Variants in WWP2 observed in about 807,000 individuals in gnomAD.
WWP2 encodes NEDD4-like E3 ubiquitin-protein ligase WWP2.
WWP2 carries 57 observed loss-of-function variants against 121.0 expected under a neutral mutation model. The observed-to-expected ratio is 0.47, with a 90% CI of 0.38 to 0.59. The LOEUF is 0.59. Ranked by LOEUF, WWP2 falls within the 20% of genes least tolerant of loss-of-function variation. WWP2 has a pLI of 0.00. For missense variants in WWP2, 962 were observed against 1,158.9 expected (o/e 0.83, Z 2.47); for synonymous variants, 449 against 441.3 (o/e 1.02, Z -0.22).
intron 7 of WWP2, among the ~76,000 whole-genome samples, chr16:69,876,254 T>G (rs1423447007): frequency 1.3e-5 from 2 of 149,550 alleles, no homozygotes; most frequent in Non-Finnish European, 3.0e-5. Flanking sequence ...CTTTAGGAGG[T>G]TTTTAATGGG....
Position 69,925,133 on chromosome 16 carries a change from T to C in WWP2, c.1180-297T>C. 1 of 1,151,922 alleles carries C rather than the reference T, an allele frequency of 8.7e-7. No homozygotes were observed. The allele number at this position is 1,151,922 out of a possible 1,614,324, so 71.4% of individuals were successfully genotyped here. ...TACCATGCCAGGGCTGCTCCCTGCC[T>C]CCGCCACCCTGGCACACCTTCACCC... On this transcript the variant is annotated intron_variant, in intron 10 of 23. Coordinates refer to ENST00000359154, the MANE Select transcript of WWP2 (RefSeq NM_001270454.2). The surrounding 1 kb of genome is among the most constrained non-coding windows in gnomAD (Gnocchi z 4.0).
intron 8 of WWP2, among the ~76,000 whole-genome samples, chr16:69,889,361 G>T (rs1261634421): frequency 6.6e-6 from 1 of 152,144 alleles, no homozygotes; most frequent in Non-Finnish European, 1.5e-5. Flanking sequence ...AAAGACCTTG[G>T]ATGATAAGAA....
chr16:69,895,076 C>G (rs997963100), intron 8 of WWP2: 6 of 152,240 alleles, frequency 3.9e-5, no homozygotes, highest in Non-Finnish European at 7.3e-5. Context: ...TCCTCTACCC[C>G]CCTGCCCAAT....
intron 6 of WWP2, among the ~76,000 whole-genome samples, chr16:69,869,126 G>A (rs1340493586): frequency 6.6e-6 from 1 of 152,184 alleles, no homozygotes; most frequent in Non-Finnish European, 1.5e-5. Flanking sequence ...GACCTCAGGT[G>A]ATCCACCTGC....
intron 16 of WWP2, among the ~76,000 whole-genome samples, chr16:69,933,505 G>A (rs1221396944): frequency 2.6e-5 from 4 of 152,132 alleles, no homozygotes; most frequent in African/African-American, 4.8e-5. Flanking sequence ...GTGTATTTAC[G>A]TTATGTTGCC....
intron 8 of WWP2, among the ~76,000 whole-genome samples, chr16:69,894,075 ATT>A (rs113980202): frequency 5.8e-5 from 8 of 138,928 alleles, no homozygotes; most frequent in Non-Finnish European, 3.2e-5. Context: ...AGGTTGCTGC[ATT>A]TTTTTTTTTT....
intron 11 of WWP2, among the ~76,000 whole-genome samples, chr16:69,928,080 G>C (rs755619951): frequency 4.6e-5 from 7 of 152,206 alleles, no homozygotes. Flanking sequence ...CAGAGAGTGG[G>C]AGGGAGACTG....
intron 6 of WWP2, among the ~76,000 whole-genome samples, chr16:69,862,264 C>T (rs1437279720): frequency 2.0e-5 from 3 of 152,026 alleles, no homozygotes; most frequent in Non-Finnish European, 2.9e-5. Context: ...GGGATTTCTC[C>T]ATGTTGGTCA....
At chr16:69,791,202 C>T (rs895625834) in intron 2 of WWP2, among the ~76,000 whole-genome samples, 14 of 151,778 alleles carry the variant, frequency 9.2e-5, no homozygotes, top group African/African-American at 3.2e-4. Flanking sequence ...TATTCAGCCA[C>T]GCACACTTAC....
chr16:69,887,533 C>G (rs9939065), intron 7 of WWP2, among the ~76,000 whole-genome samples: 3,275 of 152,014 alleles, frequency 0.022, 97 homozygotes, highest in African/African-American at 0.067. Flanking sequence ...AGCCTCCCAA[C>G]TAGCTGGGAT....
In WWP2 at chr16:69,908,821, C is replaced by G. The variant is rs370860797; in HGVS notation, c.975C>G (p.Thr325=). Residue 325 remains threonine (T), a synonymous_variant, in exon 9 of 24, where the codon ACC becomes ACG. Coordinates refer to ENST00000359154, the MANE Select transcript of WWP2 (RefSeq NM_001270454.2). ...RVYYVDHNTK[T]TTWERPLPPG... ...ATTATGTTGACCACAATACCAAGAC[C>G]ACCACCTGGGAGCGGCCCCTTCCTC... The G allele has an allele frequency of 3.1e-6, 5 of 1,614,080 alleles. No homozygotes were observed. Among genetic ancestry groups the G allele is most frequent in the Non-Finnish European group, 4.2e-6 (5 of 1,180,034 alleles).
chr16:69,936,205 A>G (rs2058795516), intron 18 of WWP2, 107 bp from the exon 19 acceptor site: 1 of 1,545,614 alleles, frequency 6.5e-7, no homozygotes, highest in Admixed American at 1.8e-5. Context: ...ACTGTTCAGG[A>G]TTCTAGGCCA....
chr16:69,787,281 C>T (rs1567664655), intron 2 of WWP2, among the ~76,000 whole-genome samples: 1 of 152,176 alleles, frequency 6.6e-6, no homozygotes, highest in Non-Finnish European at 1.5e-5. Context: ...GAACTTTTAG[C>T]TAAAATTGTC....
chr16:69,868,432 G>C (rs2057567355), intron 6 of WWP2, among the ~76,000 whole-genome samples: 1 of 152,178 alleles, frequency 6.6e-6, no homozygotes, highest in African/African-American at 2.4e-5. Flanking sequence ...CTCTGCAGAG[G>C]GACAGGGAAC....
intron 11 of WWP2, 135 bp from the exon 12 acceptor site, chr16:69,929,313 G>A (rs2058679551): frequency 2.7e-6 from 2 of 730,034 alleles, no homozygotes; most frequent in South Asian, 1.9e-5. Context: ...GCTTGGCTTT[G>A]GCTGGTTCTT....
intron 7 of WWP2, among the ~76,000 whole-genome samples, chr16:69,872,455 A>T (rs2057658832): frequency 6.6e-6 from 1 of 152,140 alleles, no homozygotes. Flanking sequence ...TGACCTTGTG[A>T]TCGCCCGTCT....
rs1471188776 is a variant in WWP2, at chr16:69,925,673, C to A, written c.1234+189C>A. Among the ~76,000 whole-genome samples the A allele has an allele frequency of 6.6e-6, 1 of 152,152 alleles. No homozygotes were observed. The highest frequency in any genetic ancestry group is 2.4e-5 in the African/African-American group (1 of 41,422). Reference sequence around the variant, plus strand: ...TGGAGCTGGGCAGCTGGGAAAGTAACCAAGCTCCACCGAACCACTGTAGCA... The same window carrying A: ...TGGAGCTGGGCAGCTGGGAAAGTAAACAAGCTCCACCGAACCACTGTAGCA... On this transcript the variant is annotated intron_variant, in intron 11 of 23. Coordinates refer to ENST00000359154, the MANE Select transcript of WWP2 (RefSeq NM_001270454.2). This position sits in a 1 kb window ranked among gnomAD's most constrained non-coding sequence, Gnocchi z 4.0.
intron 21 of WWP2, among the ~76,000 whole-genome samples, chr16:69,938,125 A>C (rs1057240739): frequency 6.6e-6 from 1 of 152,206 alleles, no homozygotes; most frequent in African/African-American, 2.4e-5. Context: ...GTGCATATGT[A>C]CGTATACAAA....
chr16:69,937,699 C>T lies in WWP2; in HGVS notation c.2343+47C>T, dbSNP rs762964811. The T allele has an allele frequency of 6.3e-7, 1 of 1,596,504 alleles. No individual in the cohort carries two copies. Among genetic ancestry groups the T allele is most frequent in the African/African-American group, 1.3e-5 (1 of 74,606 alleles). On this transcript the variant is annotated intron_variant, in intron 21 of 23. Coordinates refer to ENST00000359154, the MANE Select transcript of WWP2 (RefSeq NM_001270454.2). This position sits in a 1 kb window ranked among gnomAD's most constrained non-coding sequence, Gnocchi z 6.6. ...TGGCAGGGACATTTGGGCCATCAAC[C>T]AAAGGAAACGGGTCCTGAGGAGGCC...
Sources: allele counts gnomAD v4.1 joint callset (sites outside exome capture counted in the v4.1 genomes callset), GRCh38; gene constraint gnomAD v4.1.1; non-coding constraint Gnocchi (gnomAD v3.1); transcripts MANE v1.5; gene names NCBI Gene and HGNC (gene_info 2026-07-23, HGNC 2026-07-21).